Variants in CMC1 observed in about 807,000 individuals in gnomAD.
The protein encoded by CMC1 is C-X9-C motif containing 1.
CMC1 carries 14 observed loss-of-function variants against 14.1 expected under a neutral mutation model. The observed-to-expected ratio is 0.99, with a 90% CI of 0.66 to 1.55. The LOEUF (loss-of-function observed/expected upper bound fraction) is 1.55. CMC1 is among the 40% of genes most tolerant of loss of function. CMC1 has a pLI of 0.00. For synonymous variants in CMC1, 50 were observed against 38.4 expected (o/e 1.30, Z -1.12); for missense variants, 127 against 123.8 (o/e 1.03, Z -0.12).
chr3:28,319,236 C>G, intron 3 of CMC1: 1 of 493,414 alleles, frequency 2.0e-6, no homozygotes, highest in South Asian at 1.5e-5. Context: ...TAATTTTAAT[C>G]CAGTCTTTAC....
intron 2 of CMC1, among the ~76,000 whole-genome samples, chr3:28,286,341 G>C (rs931915930): frequency 6.6e-6 from 1 of 152,172 alleles, no homozygotes; most frequent in Non-Finnish European, 1.5e-5. Flanking sequence ...TGTTTTTCCT[G>C]TAGTGTTTTA....
At chr3:28,305,439 A>G (rs1577083554) in intron 2 of CMC1, among the ~76,000 whole-genome samples, 2 of 152,182 alleles carry the variant, frequency 1.3e-5, no homozygotes, top group African/African-American at 4.8e-5. Flanking sequence ...TTGGGCAGCT[A>G]TCCAGTAGTG....
chr3:28,284,989 T>G (rs1167237338), intron 2 of CMC1, among the ~76,000 whole-genome samples: 3 of 152,214 alleles, frequency 2.0e-5, no homozygotes, highest in Admixed American at 2.0e-4. Context: ...TTTAGCAGCT[T>G]CTTCCTACTC....
chr3:28,251,936 G>T (rs140961041), intron 1 of CMC1, among the ~76,000 whole-genome samples: 1 of 152,122 alleles, frequency 6.6e-6, no homozygotes, highest in African/African-American at 2.4e-5. Flanking sequence ...ATTTTCTGCC[G>T]GATATCAGTG....
chr3:28,255,926 G>A (rs1013338100), intron 1 of CMC1, among the ~76,000 whole-genome samples: 12 of 151,934 alleles, frequency 7.9e-5, no homozygotes, highest in African/African-American at 1.2e-4. Flanking sequence ...AAATTAAGGC[G>A]AAATAGATAG....
intron 2 of CMC1, among the ~76,000 whole-genome samples, chr3:28,273,142 C>T (rs948034858): frequency 3.3e-5 from 5 of 152,102 alleles, no homozygotes; most frequent in East Asian, 1.9e-4. Context: ...GCTCTAAAAC[C>T]GCCTGATTCT....
chr3:28,247,550 C>T (rs1559396649), intron 1 of CMC1, among the ~76,000 whole-genome samples: 1 of 152,152 alleles, frequency 6.6e-6, no homozygotes, highest in African/African-American at 2.4e-5. Flanking sequence ...AAAGGGCTAC[C>T]ATGGCCAGGG....
intron 2 of CMC1, among the ~76,000 whole-genome samples, chr3:28,274,539 G>A (rs1052243504): frequency 3.9e-5 from 6 of 151,918 alleles, no homozygotes; most frequent in East Asian, 1.9e-4. Flanking sequence ...CTGGCTGCTC[G>A]TAATATTTTT....
chr3:28,272,253 T>C (rs1015633002), intron 2 of CMC1, among the ~76,000 whole-genome samples: 1 of 152,160 alleles, frequency 6.6e-6, no homozygotes, highest in Admixed American at 6.6e-5. Flanking sequence ...TTTCCAATAC[T>C]GTGTTGAAAA....
intron 2 of CMC1, among the ~76,000 whole-genome samples, chr3:28,309,734 G>T (rs183180872): frequency 6.6e-6 from 1 of 151,620 alleles, no homozygotes; most frequent in East Asian, 1.9e-4. Flanking sequence ...TGAGGATTTC[G>T]ATAGCCCTTA....
intron 2 of CMC1, among the ~76,000 whole-genome samples, chr3:28,272,208 C>G (rs1352461610): frequency 6.6e-6 from 1 of 151,992 alleles, no homozygotes; most frequent in Non-Finnish European, 1.5e-5. Flanking sequence ...ATTTGAATAA[C>G]CTTTCATTTT....
intron 2 of CMC1, among the ~76,000 whole-genome samples, chr3:28,264,479 A>T (rs959519112): frequency 5.9e-5 from 9 of 152,268 alleles, no homozygotes; most frequent in African/African-American, 1.9e-4. Context: ...ACTTATTATG[A>T]CCTATTCCAT....
chr3:28,264,983 C>A (rs35439056), intron 2 of CMC1, among the ~76,000 whole-genome samples: 32,985 of 151,852 alleles, frequency 0.22, 3,732 homozygotes, highest in Middle Eastern at 0.27. Context: ...GAAATGAAAG[C>A]GTAGAGTATA....
intron 2 of CMC1, among the ~76,000 whole-genome samples, chr3:28,286,025 A>G (rs192521316): frequency 6.6e-6 from 1 of 152,224 alleles, no homozygotes; most frequent in East Asian, 1.9e-4. Flanking sequence ...TCGGCCTCCC[A>G]AAGTGCTGGG....
intron 1 of CMC1, among the ~76,000 whole-genome samples, chr3:28,242,909 G>T (rs1382274684): frequency 6.6e-6 from 1 of 152,132 alleles, no homozygotes; most frequent in Non-Finnish European, 1.5e-5. Context: ...GCAGCCCTAT[G>T]AGCAAAGGTT....
chr3:28,275,195 G>GT (rs1700510896), intron 2 of CMC1, among the ~76,000 whole-genome samples: 2 of 151,974 alleles, frequency 1.3e-5, no homozygotes, highest in South Asian at 4.2e-4. Context: ...AGTTTTCTGT[G>GT]TTTTTTAGTT....
intron 2 of CMC1, among the ~76,000 whole-genome samples, chr3:28,293,203 G>A (rs981771824): frequency 6.6e-6 from 1 of 152,228 alleles, no homozygotes; most frequent in African/African-American, 2.4e-5. Context: ...TGACATGAGA[G>A]ATTAAAGACT....
At chr3:28,301,971 A>G (rs1252844012) in intron 2 of CMC1, among the ~76,000 whole-genome samples, 1 of 152,010 alleles carries the variant, frequency 6.6e-6, no homozygotes, top group East Asian at 1.9e-4. Context: ...TTCTGTCACC[A>G]CAAATGTTTA....
At chr3:28,282,499 T>G (rs1700953519) in intron 2 of CMC1, among the ~76,000 whole-genome samples, 1 of 152,228 alleles carries the variant, frequency 6.6e-6, no homozygotes, top group East Asian at 1.9e-4. Context: ...GATTTTTAAA[T>G]GTAATATTTT....
Sources: gnomAD v4.1 joint callset for allele counts (sites outside exome capture counted in the v4.1 genomes callset) on GRCh38, gnomAD v4.1.1 for gene constraint, MANE v1.5 for transcripts, NCBI Gene and HGNC (gene_info 2026-07-23, HGNC 2026-07-21) for gene names.